Variants in PRKCA observed in about 807,000 individuals in gnomAD.
PRKCA encodes protein kinase C alpha.
Under a neutral mutation model 87.0 loss-of-function variants are expected in PRKCA, and 27 were observed. The ratio of observed to expected loss-of-function variants is 0.31; its 90% confidence interval spans 0.23 to 0.43. The LOEUF (loss-of-function observed/expected upper bound fraction) is 0.43. Ranked by LOEUF, PRKCA falls within the 20% of genes least tolerant of loss-of-function variation. The pLI, the probability that PRKCA is intolerant of heterozygous loss-of-function variation, is 1.00. For missense variants in PRKCA, 518 were observed against 852.3 expected, an observed-to-expected ratio of 0.61 and a Z score of 4.88; for synonymous variants, 329 against 311.1, an observed-to-expected ratio of 1.06 and a Z score of -0.61.
intron 2 of PRKCA, among the ~76,000 whole-genome samples, chr17:66,351,914 C>T (rs149312148): frequency 5.9e-5 from 9 of 152,236 alleles, no homozygotes; most frequent in African/African-American, 2.2e-4. Context: ...GTATCAGATT[C>T]GTTCTCTGTG....
chr17:66,414,074 A>G (rs545476367), intron 2 of PRKCA, among the ~76,000 whole-genome samples: 3 of 152,154 alleles, frequency 2.0e-5, no homozygotes, highest in Admixed American at 6.5e-5. Context: ...ATAGGGACGT[A>G]ATTTCCCTAT....
intron 2 of PRKCA, among the ~76,000 whole-genome samples, chr17:66,380,645 A>G (rs139801765): frequency 0.013 from 1,930 of 152,314 alleles, 45 homozygotes; most frequent in African/African-American, 0.044. Flanking sequence ...CAGTAAAGGA[A>G]TAATAAACAG....
intron 2 of PRKCA, among the ~76,000 whole-genome samples, chr17:66,420,263 C>T (rs1247923823): frequency 6.6e-6 from 1 of 152,074 alleles, no homozygotes; most frequent in Non-Finnish European, 1.5e-5. Context: ...CCTGCCTTGG[C>T]CTCCCAAAGT....
At chr17:66,516,966 G>T (rs574051764) in intron 3 of PRKCA, among the ~76,000 whole-genome samples, 4 of 152,290 alleles carry the variant, frequency 2.6e-5, no homozygotes, top group South Asian at 4.2e-4. Context: ...AGCTCCTCCT[G>T]TGCCACCTGG....
At chr17:66,738,142 G>C (rs1338473492) in intron 10 of PRKCA, among the ~76,000 whole-genome samples, 1 of 152,140 alleles carries the variant, frequency 6.6e-6, no homozygotes, top group Non-Finnish European at 1.5e-5. Flanking sequence ...CCAACACTTA[G>C]CCTACCAGTG....
At chr17:66,685,729 C>T (rs112904590) in intron 5 of PRKCA, among the ~76,000 whole-genome samples, 58 of 152,354 alleles carry the variant, frequency 3.8e-4, no homozygotes, top group African/African-American at 1.3e-3. Context: ...CTTTAGGGTT[C>T]TCCCCCTGCC....
chr17:66,421,863 C>A (rs1567820746), intron 2 of PRKCA, among the ~76,000 whole-genome samples: 1 of 151,976 alleles, frequency 6.6e-6, no homozygotes, highest in East Asian at 1.9e-4. Context: ...TTTTTCTCTA[C>A]TTTTTCCTTT....
intron 5 of PRKCA, among the ~76,000 whole-genome samples, chr17:66,676,103 T>A (rs111418860): frequency 6.6e-6 from 1 of 152,204 alleles, no homozygotes; most frequent in African/African-American, 2.4e-5. Context: ...AGAACTGACT[T>A]GTGGCGACGT....
At chr17:66,764,016 C>A (rs1413286911) in intron 13 of PRKCA, among the ~76,000 whole-genome samples, 1 of 152,136 alleles carries the variant, frequency 6.6e-6, no homozygotes, top group Admixed American at 6.5e-5. Flanking sequence ...TGGATCAAGG[C>A]CTTCAGTATA....
intron 2 of PRKCA, among the ~76,000 whole-genome samples, chr17:66,431,029 G>T (rs1448432063): frequency 3.3e-5 from 5 of 152,174 alleles, no homozygotes; most frequent in Non-Finnish European, 7.3e-5. Context: ...AGCATGGTTT[G>T]GGCCTCCAGT....
At chr17:66,768,097 C>T (rs1055134362) in intron 13 of PRKCA, among the ~76,000 whole-genome samples, 3 of 152,100 alleles carry the variant, frequency 2.0e-5, no homozygotes, top group Admixed American at 6.5e-5. Flanking sequence ...GTGTGTGCCA[C>T]CGGACCCAGC....
Position 66,305,977 on chromosome 17 carries a change from A to G in PRKCA, c.174-119A>G, listed in dbSNP as rs867314094. On this transcript the variant is annotated intron_variant, in intron 1 of 16. Coordinates refer to ENST00000413366, the MANE Select transcript of PRKCA (RefSeq NM_002737.3). ...ATTTAGGTATGTTTTTTTCTATTAA[A>G]TCATTGGGTTTCACATACAAACCTT... is the stretch of plus-strand genomic sequence containing the variant. 16 of 910,048 alleles carry G rather than the reference A, an allele frequency of 1.8e-5. No homozygotes were observed. The African/African-American group carries it at 2.7e-4, about 15-fold the overall frequency. 56.4% of individuals were successfully genotyped at this position (910,048 alleles called of 1,614,324 possible).
chr17:66,643,506 T>C (rs1971365444), intron 4 of PRKCA, among the ~76,000 whole-genome samples: 1 of 152,260 alleles, frequency 6.6e-6, no homozygotes, highest in Non-Finnish European at 1.5e-5. Flanking sequence ...GCTGAGTTTA[T>C]GCTAATAAAA....
intron 2 of PRKCA, among the ~76,000 whole-genome samples, chr17:66,425,292 C>G (rs1912738704): frequency 6.6e-6 from 1 of 152,134 alleles, no homozygotes; most frequent in Non-Finnish European, 1.5e-5. Context: ...ATCCACAGAC[C>G]TCTCCCTCCA....
Position 66,368,386 on chromosome 17 carries a change from A to ATTT in PRKCA, c.205+62282_205+62284dup, listed in dbSNP as rs1180540465. Among the ~76,000 whole-genome samples the ATTT allele has an allele frequency of 4.0e-3, 101 of 25,476 alleles. 8 individuals are homozygous for ATTT. Among genetic ancestry groups the ATTT allele is most frequent in the African/African-American group, 0.011 (94 of 8,386 alleles). The allele number at this position is 25,476 out of a possible 152,430, so 16.7% of individuals were successfully genotyped here. A position where few individuals can be genotyped will look rare whatever the true frequency, so the allele number is the denominator to read the frequency against. On this transcript the variant is annotated intron_variant, in intron 2 of 16. Coordinates refer to ENST00000413366, the MANE Select transcript of PRKCA (RefSeq NM_002737.3). Reference sequence around the variant, plus strand: ...TATGTATATATATATATATATATATATTTTTTTTTTTTTTTTTTTTTTTTT... The same window carrying ATTT: ...TATGTATATATATATATATATATATATTTTTTTTTTTTTTTTTTTTTTTTTTTT...
rs183931716 is a variant in PRKCA at position 66,338,220 on chromosome 17, C to T, written c.205+32093C>T. Among the ~76,000 whole-genome samples the T allele has an allele frequency of 1.7e-3, 259 of 152,166 alleles. 2 individuals carry two copies. The highest frequency in any genetic ancestry group is 1.4e-3 in the Non-Finnish European group (98 of 68,018). ...CACCATGCTTGAGGCTGCCATGTCT[C>T]GGCTGCAATAACCAGAAAACATTGG... On this transcript the variant is annotated intron_variant, in intron 2 of 16. Coordinates refer to ENST00000413366, the MANE Select transcript of PRKCA (RefSeq NM_002737.3).
At chr17:66,547,215 C>A (rs1027012916) in intron 3 of PRKCA, among the ~76,000 whole-genome samples, 1 of 152,174 alleles carries the variant, frequency 6.6e-6, no homozygotes, top group Non-Finnish European at 1.5e-5. Flanking sequence ...GAACACCCTC[C>A]CCTCCACTTA....
intron 14 of PRKCA, chr17:66,777,852 C>T (rs1176789265): frequency 5.1e-6 from 5 of 985,386 alleles, no homozygotes; most frequent in Non-Finnish European, 3.6e-6. Context: ...TTTCAGAACC[C>T]AGGTCTGCAG....
intron 2 of PRKCA, among the ~76,000 whole-genome samples, chr17:66,439,487 C>T (rs1913602943): frequency 6.6e-6 from 1 of 152,100 alleles, no homozygotes; most frequent in Admixed American, 6.5e-5. Context: ...GCCTTTTACC[C>T]ACATTATACA....
Sources: allele counts gnomAD v4.1 joint callset (sites outside exome capture counted in the v4.1 genomes callset), GRCh38; gene constraint gnomAD v4.1.1; transcripts MANE v1.5; gene names NCBI Gene and HGNC (gene_info 2026-07-23, HGNC 2026-07-21).